PRELID2: variants seen among roughly 807,000 people sequenced by gnomAD.
The protein encoded by PRELID2 is PRELI domain-containing protein 2.
Under a neutral mutation model 28.4 loss-of-function variants are expected in PRELID2, and 25 were observed. The ratio of observed to expected loss-of-function variants is 0.88; its 90% confidence interval spans 0.64 to 1.23. PRELID2 has a LOEUF of 1.23. Among genes scored for constraint, PRELID2 ranks in the 50% most tolerant of loss-of-function variants. The probability of loss-of-function intolerance (pLI) is 0.00; values close to 1 mark genes in which losing one functional copy is unlikely to be tolerated. For missense variants in PRELID2, 201 were observed against 214.4 expected (o/e 0.94, Z 0.39); for synonymous variants, 76 against 71.6 (o/e 1.06, Z -0.31).
At chr5:145,665,280 T>C (rs1012208282) in intron 1 of PRELID2, among the ~76,000 whole-genome samples, 9 of 152,058 alleles carry the variant, frequency 5.9e-5, no homozygotes, top group African/African-American at 1.9e-4. Flanking sequence ...GCAGGTAGAT[T>C]TCAATGTGAG....
At chr5:145,545,795 T>G (rs557589549) in intron 1 of PRELID2, among the ~76,000 whole-genome samples, 2 of 152,314 alleles carry the variant, frequency 1.3e-5, no homozygotes, top group African/African-American at 4.8e-5. Context: ...TCCAGATGAT[T>G]GATTATTTGC....
chr5:145,432,407 C>G, the PRELID2 span, among the ~76,000 whole-genome samples: 40 of 135,736 alleles, frequency 2.9e-4, no homozygotes, highest in African/African-American at 1.1e-3. Context: ...AAAAACTTTA[C>G]TTAGCAAATA....
At chr5:145,330,838 C>T in the PRELID2 span, among the ~76,000 whole-genome samples, 9 of 151,988 alleles carry the variant, frequency 5.9e-5, no homozygotes, top group Non-Finnish European at 1.3e-4. Context: ...TTTGCTCTTG[C>T]TTCTTTAGTT....
At chr5:145,713,082 A>T (rs1457904612) in intron 1 of PRELID2, among the ~76,000 whole-genome samples, 1 of 151,938 alleles carries the variant, frequency 6.6e-6, no homozygotes, top group Non-Finnish European at 1.5e-5. Context: ...ATTAACAAAC[A>T]TATAACTGGA....
At chr5:145,750,529 T>C (rs899802263) in intron 1 of PRELID2, among the ~76,000 whole-genome samples, 1 of 152,182 alleles carries the variant, frequency 6.6e-6, no homozygotes, top group Non-Finnish European at 1.5e-5. Flanking sequence ...GATGCTAAGA[T>C]TTCTTAAGTT....
At chr5:145,503,082 G>A (rs181673825) in intron 1 of PRELID2, among the ~76,000 whole-genome samples, 1 of 152,114 alleles carries the variant, frequency 6.6e-6, no homozygotes, top group Admixed American at 6.6e-5. Flanking sequence ...GTATTCACAG[G>A]GGGTGGAGGC....
At chr5:145,584,888 A>T (rs1753139518) in intron 1 of PRELID2, among the ~76,000 whole-genome samples, 1 of 152,150 alleles carries the variant, frequency 6.6e-6, no homozygotes, top group African/African-American at 2.4e-5. Flanking sequence ...AACTCTTCAA[A>T]GATCTAGAGA....
chr5:145,360,731 T>C, the PRELID2 span, among the ~76,000 whole-genome samples: 43 of 152,320 alleles, frequency 2.8e-4, 1 homozygote, highest in East Asian at 4.8e-3. Flanking sequence ...ATAACTCTAT[T>C]TGATATGGAG....
At chr5:145,390,621 C>G in the PRELID2 span, among the ~76,000 whole-genome samples, 1 of 152,056 alleles carries the variant, frequency 6.6e-6, no homozygotes, top group African/African-American at 2.4e-5. Context: ...GGGACAGAGC[C>G]AAACCATATC....
the PRELID2 span, among the ~76,000 whole-genome samples, chr5:145,433,540 A>G: frequency 6.6e-6 from 1 of 152,028 alleles, no homozygotes; most frequent in Admixed American, 6.6e-5. Context: ...AGTTCTTTCC[A>G]ACAACAACTG....
At chr5:145,647,876 C>T (rs1200956923) in intron 1 of PRELID2, among the ~76,000 whole-genome samples, 1 of 152,136 alleles carries the variant, frequency 6.6e-6, no homozygotes, top group Non-Finnish European at 1.5e-5. Flanking sequence ...ACCAACTGTC[C>T]AACAAGTCCC....
chr5:145,459,540 A>G, the PRELID2 span, among the ~76,000 whole-genome samples: 1 of 152,200 alleles, frequency 6.6e-6, no homozygotes, highest in Non-Finnish European at 1.5e-5. Flanking sequence ...ATGATTCCCA[A>G]TGAACAATTT....
At chr5:145,467,752 C>T (rs1345894438), downstream of PRELID2, among the ~76,000 whole-genome samples, 1 of 146,990 alleles carries the variant, frequency 6.8e-6, no homozygotes, top group African/African-American at 2.5e-5. Flanking sequence ...ATTCTACCGC[C>T]TGACTTTACA....
intron 5 of PRELID2, among the ~76,000 whole-genome samples, chr5:145,776,520 G>A (rs1758420220): frequency 6.6e-6 from 1 of 152,158 alleles, no homozygotes; most frequent in African/African-American, 2.4e-5. Flanking sequence ...GTAAGAACAA[G>A]TCTTCTATCC....
the PRELID2 span, among the ~76,000 whole-genome samples, chr5:145,393,980 G>A: frequency 6.6e-6 from 1 of 152,142 alleles, no homozygotes; most frequent in Non-Finnish European, 1.5e-5. Context: ...TACACTGTTG[G>A]TGGGACTGTA....
At chr5:145,833,048 C>G (rs1203063107) in intron 1 of PRELID2, among the ~76,000 whole-genome samples, 2 of 152,156 alleles carry the variant, frequency 1.3e-5, no homozygotes, top group Non-Finnish European at 2.9e-5. Context: ...TCCATGAGAA[C>G]AGGGTCTGCG....
At chr5:145,619,391 C>T (rs749093856) in intron 1 of PRELID2, among the ~76,000 whole-genome samples, 1 of 152,212 alleles carries the variant, frequency 6.6e-6, no homozygotes, top group Non-Finnish European at 1.5e-5. Flanking sequence ...GCTTCCTCTA[C>T]CCCTGTATTT....
At chr5:145,406,399 T>C in the PRELID2 span, among the ~76,000 whole-genome samples, 4 of 152,222 alleles carry the variant, frequency 2.6e-5, no homozygotes, top group African/African-American at 9.6e-5. Flanking sequence ...AAAAAGACAT[T>C]ACTGGGTTGT....
intron 1 of PRELID2, among the ~76,000 whole-genome samples, chr5:145,585,806 T>C (rs1031815892): frequency 6.6e-6 from 1 of 152,134 alleles, no homozygotes; most frequent in Non-Finnish European, 1.5e-5. Flanking sequence ...TGGGACAGAA[T>C]GGGGTGGGGT....
Sources: allele counts gnomAD v4.1 joint callset (sites outside exome capture counted in the v4.1 genomes callset), GRCh38; gene constraint gnomAD v4.1.1; transcripts MANE v1.5; gene names NCBI Gene and HGNC (gene_info 2026-07-23, HGNC 2026-07-21).